TBC1D16: variants seen among roughly 807,000 people sequenced by gnomAD.
TBC1D16 encodes the protein TBC1 domain family member 16.
A neutral mutation model predicts 74.7 loss-of-function variants in TBC1D16; 58 were observed. The ratio of observed to expected loss-of-function variants is 0.78; its 90% CI spans 0.63 to 0.97. The LOEUF (loss-of-function observed/expected upper bound fraction) is 0.97. Among genes scored for constraint, TBC1D16 ranks in the 50% least tolerant of loss-of-function variants. The pLI, the probability that TBC1D16 is intolerant of heterozygous loss-of-function variation, is 0.00. For synonymous variants in TBC1D16, 493 were observed against 474.7 expected, an observed-to-expected ratio of 1.04 and a Z score of -0.50; for missense variants, 1,014 against 1,079.5, an observed-to-expected ratio of 0.94 and a Z score of 0.85.
chr17:79,998,273 C>G (rs1403968283), intron 3 of TBC1D16, among the ~76,000 whole-genome samples: 2 of 151,490 alleles, frequency 1.3e-5, no homozygotes, highest in African/African-American at 2.4e-5. Context: ...ACAATTTTGC[C>G]TTTTCCAGAA....
intron 1 of TBC1D16, among the ~76,000 whole-genome samples, chr17:80,033,418 G>T (rs577834590): frequency 6.6e-6 from 1 of 151,922 alleles, no homozygotes; most frequent in Non-Finnish European, 1.5e-5. Flanking sequence ...CTGTCACCCA[G>T]GCTAGAATGC....
rs1003395468 is a variant in TBC1D16 at position 79,948,973 on chromosome 17, G to A, written c.1440C>T (p.Phe480=). ...LSMTPEEHRA[F]WRNVQFTVDK... Reference sequence around the variant, plus strand: ...CCACAGTGAACTGCACATTACGCCAGAACGCTCTGTGCTCCTCGGGAGTCA... The same window carrying A: ...CCACAGTGAACTGCACATTACGCCAAAACGCTCTGTGCTCCTCGGGAGTCA... The change falls in exon 8 of 12, where the codon TTC becomes TTT. Residue 480 remains phenylalanine, a synonymous_variant. Transcript: ENST00000310924. 3.7e-6 allele frequency: 6 copies of A among 1,614,054 alleles called. No individual in the cohort carries two copies. Among genetic ancestry groups the A allele is most frequent in the Middle Eastern group, 1.6e-4 (1 of 6,082 alleles).
intron 4 of TBC1D16, 53 bp downstream of exon 4, chr17:79,952,604 A>G: frequency 1.3e-6 from 2 of 1,542,134 alleles, no homozygotes; most frequent in Non-Finnish European, 1.8e-6. Flanking sequence ...CCAGGCTGCC[A>G]GGGAAAACAC....
Position 79,956,185 on chromosome 17 carries a change from G to A in TBC1D16, c.780-3367C>T, listed in dbSNP as rs968277211. 6.6e-6 allele frequency among the ~76,000 whole-genome samples: 1 copy of A among 152,210 alleles called. No individual in the cohort carries two copies. The highest frequency in any genetic ancestry group is 1.5e-5 in the Non-Finnish European group (1 of 68,036). On this transcript the variant is annotated intron_variant, in intron 3 of 11. Transcript: ENST00000310924. The surrounding 1 kb of genome is among the most constrained non-coding windows in gnomAD (Gnocchi z 4.0). ...CAGCGACCTGAGTGAACTCCAGGGA[G>A]CCCAGCGCAACAGCCTGTCCCAGCC...
chr17:80,024,015 G>C (rs1345217068), intron 1 of TBC1D16: 2 of 150,340 alleles, frequency 1.3e-5, no homozygotes, highest in Non-Finnish European at 2.9e-5. Context: ...AGCGCAGAAG[G>C]TAAGGACGCA....
chr17:80,031,513 T>G (rs1371666652), intron 1 of TBC1D16, among the ~76,000 whole-genome samples: 1 of 151,658 alleles, frequency 6.6e-6, no homozygotes, highest in Admixed American at 6.6e-5. Flanking sequence ...ACCAAAACGG[T>G]GGTGAGGGAA....
chr17:79,979,296 GCACACCCACGCCCAGAGCACA>G lies in TBC1D16; in HGVS notation c.780-26499_780-26479del, dbSNP rs2034476046. 6.6e-6 allele frequency among the ~76,000 whole-genome samples: 1 copy of G among 152,170 alleles called. No homozygotes were observed. The highest frequency in any genetic ancestry group is 6.5e-5 in the Admixed American group (1 of 15,292). On this transcript the variant is annotated intron_variant, in intron 3 of 11. Transcript: ENST00000310924. This position sits in a 1 kb window ranked among gnomAD's most constrained non-coding sequence, Gnocchi z 4.8. ...CCCAGAGCACACGCGCTCCGGGGAC[GCACACCCACGCCCAGAGCACA>G]CACGCTCCAGGGATGCACACCCACG... is the stretch of plus-strand genomic sequence containing the variant.
At chr17:80,029,990 C>T (rs1436980099) in intron 1 of TBC1D16, among the ~76,000 whole-genome samples, 2 of 152,048 alleles carry the variant, frequency 1.3e-5, no homozygotes, top group African/African-American at 4.8e-5. Context: ...CGATCGAGTC[C>T]TTCTCATACC....
chr17:79,997,534 A>G (rs926279067), intron 3 of TBC1D16, among the ~76,000 whole-genome samples: 1 of 152,200 alleles, frequency 6.6e-6, no homozygotes, highest in African/African-American at 2.4e-5. Context: ...CTGCCTCTGT[A>G]CAGCCCATGA....
Position 79,944,023 on chromosome 17 carries a change from G to A in TBC1D16, c.1908+885C>T. ...GGAGGGAAACCTAGACCCGGGCCAGGGGCGAGCCGATGACCGCATGCAAAG... is the reference window on the plus strand; with the variant it reads ...GGAGGGAAACCTAGACCCGGGCCAGAGGCGAGCCGATGACCGCATGCAAAG... On this transcript the variant is annotated intron_variant, in intron 10 of 11. Coordinates refer to ENST00000310924, the MANE Select transcript of TBC1D16 (RefSeq NM_019020.4). This position sits in a 1 kb window ranked among gnomAD's most constrained non-coding sequence, Gnocchi z 7.7. The A allele has an allele frequency of 1.3e-6, 2 of 1,535,368 alleles. No homozygotes were observed. The highest frequency in any genetic ancestry group is 1.2e-5 in the South Asian group (1 of 84,010).
At chr17:80,014,699 T>A (rs1216830132) in intron 1 of TBC1D16, among the ~76,000 whole-genome samples, 4 of 151,862 alleles carry the variant, frequency 2.6e-5, no homozygotes, top group African/African-American at 9.7e-5. Flanking sequence ...ATTCCTCCCT[T>A]AGGAAATACC....
intron 8 of TBC1D16, 97 bp downstream of exon 8, chr17:79,948,775 C>T (rs2032779714): frequency 4.6e-6 from 7 of 1,511,144 alleles, no homozygotes; most frequent in Non-Finnish European, 6.4e-6. Context: ...AAGAGAGCCC[C>T]TGCAGAAACT....
At chr17:79,967,045 G>C (rs2033872488) in intron 3 of TBC1D16, among the ~76,000 whole-genome samples, 1 of 152,030 alleles carries the variant, frequency 6.6e-6, no homozygotes, top group Non-Finnish European at 1.5e-5. Flanking sequence ...AAACGGAAAG[G>C]AACTTCCTCA....
intron 5 of TBC1D16, 112 bp downstream of exon 5, chr17:79,951,338 G>A (rs572523910): frequency 3.3e-5 from 45 of 1,357,696 alleles, no homozygotes; most frequent in South Asian, 2.2e-4. Context: ...GTCACACCCC[G>A]TAAGCCCCCG....
chr17:79,941,929 G>C lies in TBC1D16; in HGVS notation c.2055+131C>G, dbSNP rs1461475365. The stretch of plus-strand genomic sequence containing the variant: ...TGGGTGGGGGAGGGCACGTGCTGGG[G>C]GGCCATGGTGGGGATGGGGCTCTGG... On this transcript the variant is annotated intron_variant, in intron 11 of 11. Transcript: ENST00000310924. The surrounding 1 kb of genome is among the most constrained non-coding windows in gnomAD (Gnocchi z 4.3). The C allele has an allele frequency of 1.0e-5, 8 of 802,692 alleles. No individual in the cohort carries two copies. The Admixed American group carries it at 1.6e-4, about 16-fold the overall frequency. 49.7% of individuals were successfully genotyped at this position (802,692 alleles called of 1,614,324 possible). A position where few individuals can be genotyped will look rare whatever the true frequency, so the allele number is the denominator to read the frequency against.
In TBC1D16 at chr17:79,994,209, G is replaced by A. The variant is rs1010287866; in HGVS notation, c.779+15951C>T. 4.6e-5 allele frequency among the ~76,000 whole-genome samples: 7 copies of A among 151,546 alleles called. No homozygotes were observed. Among genetic ancestry groups the A allele is most frequent in the Non-Finnish European group, 1.0e-4 (7 of 67,952 alleles). Reference sequence around the variant, plus strand: ...ACGGCCCACCAGATGCACTGGCTCCGCCCCCATCTCTTTAGAATCCAGCTC... The same window carrying A: ...ACGGCCCACCAGATGCACTGGCTCCACCCCCATCTCTTTAGAATCCAGCTC... On this transcript the variant is annotated intron_variant, in intron 3 of 11. Coordinates refer to ENST00000310924, the MANE Select transcript of TBC1D16 (RefSeq NM_019020.4). This position sits in a 1 kb window ranked among gnomAD's most constrained non-coding sequence, Gnocchi z 4.6.
rs527274046 is a variant in TBC1D16, at chr17:79,937,478, G to T, written c.*3381C>A. The stretch of plus-strand genomic sequence containing the variant: ...AGAGGGTGGAGGTCCTCTCCCTCCT[G>T]GACATGGAAACCTCCCCCTGCCTGG... On this transcript the variant is annotated 3_prime_UTR_variant, in exon 12 of 12. Coordinates refer to ENST00000310924, the MANE Select transcript of TBC1D16 (RefSeq NM_019020.4). 1 of 152,394 alleles carries T rather than the reference G, an allele frequency of 6.6e-6. No individual in the cohort carries two copies. The highest frequency in any genetic ancestry group is 1.9e-4 in the East Asian group (1 of 5,174). The allele number at this position is 152,394 out of a possible 1,614,324, so 9.4% of individuals were successfully genotyped here.
chr17:79,944,184 T>G lies in TBC1D16; in HGVS notation c.1908+724A>C. 6.6e-7 allele frequency: 1 copy of G among 1,525,800 alleles called. No individual in the cohort carries two copies. The highest frequency in any genetic ancestry group is 8.8e-7 in the Non-Finnish European group (1 of 1,137,866). 94.5% of individuals were successfully genotyped at this position (1,525,800 alleles called of 1,614,324 possible). A position where few individuals can be genotyped will look rare whatever the true frequency, so the allele number is the denominator to read the frequency against. Reference sequence around the variant, plus strand: ...TGGGTGTTTGCCTCCATCTTCAGGGTTCTCTGACGGAGGCTGCTGGAGCTG... The same window carrying G: ...TGGGTGTTTGCCTCCATCTTCAGGGGTCTCTGACGGAGGCTGCTGGAGCTG... On this transcript the variant is annotated intron_variant, in intron 10 of 11. Coordinates refer to ENST00000310924, the MANE Select transcript of TBC1D16 (RefSeq NM_019020.4). The surrounding 1 kb of genome is among the most constrained non-coding windows in gnomAD (Gnocchi z 7.7).
At chr17:79,942,865 C>T (rs1023487386) in intron 10 of TBC1D16, among the ~76,000 whole-genome samples, 2 of 152,206 alleles carry the variant, frequency 1.3e-5, no homozygotes, top group Non-Finnish European at 2.9e-5. Flanking sequence ...TTGAGGACTC[C>T]GCAGCCCTCC....
Sources: gnomAD v4.1 joint callset for allele counts (sites outside exome capture counted in the v4.1 genomes callset) on GRCh38, gnomAD v4.1.1 for gene constraint, Gnocchi (gnomAD v3.1) non-coding constraint, MANE v1.5 for transcripts, NCBI Gene and HGNC (gene_info 2026-07-23, HGNC 2026-07-21) for gene names.